The following ZNF493 variants were observed in gnomAD, a reference collection of about 807,000 sequenced individuals.
ZNF493 encodes zinc finger protein 493.
In ZNF493, 11 loss-of-function variants were observed where a neutral mutation model predicts 12.2. That is an observed-to-expected ratio of 0.90 (90% CI 0.57 to 1.50). ZNF493 has a LOEUF of 1.50. Among genes scored for constraint, ZNF493 ranks in the 40% most tolerant of loss-of-function variants. The pLI is 0.00. For synonymous variants in ZNF493, 286 were observed against 302.6 expected (o/e 0.95, Z 0.57); for missense variants, 950 against 906.6 (o/e 1.05, Z -0.61).
In ZNF493 at chr19:21,425,610, T is replaced by C. The variant is rs1385780515; in HGVS notation, c.*626T>C. The C allele has an allele frequency of 5.3e-6, 4 of 747,730 alleles. 1 individual carries two copies. In the Admixed American group the frequency reaches 7.9e-5, roughly 15 times the overall value. The allele number at this position is 747,730 out of a possible 1,614,324, so 46.3% of individuals were successfully genotyped here. On this transcript the variant is annotated 3_prime_UTR_variant, in exon 4 of 4. Transcript: ENST00000392288. The stretch of plus-strand genomic sequence containing the variant: ...TTATACTGGAGAGAAGCCCTACAAA[T>C]GTGAAAAATGTGGCAAACCTTTTAA...
chr19:21,412,932 A>C, intron 3 of ZNF493: 1 of 436,334 alleles, frequency 2.3e-6, no homozygotes, highest in Non-Finnish European at 4.5e-6. Context: ...TTTGAGGTCG[A>C]GGTGCCACTA....
Position 21,397,248 on chromosome 19 carries a change from C to G in ZNF493, c.11C>G (p.Pro4Arg). 1 of 1,614,200 alleles carries G rather than the reference C, an allele frequency of 6.2e-7. No individual in the cohort carries two copies. Among genetic ancestry groups the G allele is most frequent in the South Asian group, 1.1e-5 (1 of 91,090 alleles). Residue 4 changes from proline to arginine, a missense_variant, in exon 1 of 4, where the codon CCC (proline) becomes CGC (arginine). By Grantham distance (103) the Pro-to-Arg change is moderately radical. Transcript: ENST00000392288. ...AAATCCATAGCTAAGATGCCAGGAC[C>G]CCCTGAAAGCCTAGACATGGTGAGA... MPG[P>R]PESLDMGPLT...
intron 1 of ZNF493, among the ~76,000 whole-genome samples, chr19:21,401,878 C>T (rs1263293127): frequency 1.3e-5 from 2 of 152,134 alleles, no homozygotes; most frequent in African/African-American, 2.4e-5. Context: ...GATCCACTCG[C>T]CTCGGCCTCC....
intron 3 of ZNF493, among the ~76,000 whole-genome samples, chr19:21,416,215 C>CG (rs1402384212): frequency 2.6e-5 from 4 of 152,096 alleles, no homozygotes; most frequent in African/African-American, 9.7e-5. Flanking sequence ...TCTGTTTTTC[C>CG]GCTGGAAGTG....
rs936515174 is a variant in ZNF493, at chr19:21,424,576, G to A, written c.1917G>A (p.Lys639=). Residue 639 remains lysine, a synonymous_variant, in exon 4 of 4, where the codon AAG becomes AAA. Coordinates refer to ENST00000392288, the MANE Select transcript of ZNF493 (RefSeq NM_001076678.3). Reference sequence around the variant, plus strand: ...GTGAAGAATGTGGCAAAGCTTTTAAGCGGTCCTCACACCTCGCTGGGCACA... The same window carrying A: ...GTGAAGAATGTGGCAAAGCTTTTAAACGGTCCTCACACCTCGCTGGGCACA... ...YKCEECGKAF[K]RSSHLAGHKQ... 1 of 1,602,148 alleles carries A rather than the reference G, an allele frequency of 6.2e-7. No individual in the cohort carries two copies. Among genetic ancestry groups the A allele is most frequent in the Non-Finnish European group, 8.5e-7 (1 of 1,175,806 alleles).
intron 3 of ZNF493, among the ~76,000 whole-genome samples, chr19:21,421,850 T>G (rs1202733817): frequency 1.3e-5 from 2 of 152,154 alleles, no homozygotes; most frequent in Non-Finnish European, 2.9e-5. Flanking sequence ...AGGAAATTAT[T>G]CATCTTTTTT....
At chr19:21,414,703 A>G (rs1176659098) in intron 3 of ZNF493, 2 of 152,214 alleles carry the variant, frequency 1.3e-5, no homozygotes, top group Non-Finnish European at 2.9e-5. Flanking sequence ...CAATACCTCA[A>G]TTGCAGCTAC....
intron 3 of ZNF493, among the ~76,000 whole-genome samples, chr19:21,414,861 C>T (rs752867837): frequency 3.9e-5 from 6 of 152,104 alleles, no homozygotes; most frequent in Non-Finnish European, 4.4e-5. Context: ...TAGGGAGAAT[C>T]CAATTAGTTA....
intron 3 of ZNF493, among the ~76,000 whole-genome samples, chr19:21,409,953 G>C (rs990951857): frequency 1.3e-5 from 2 of 151,578 alleles, no homozygotes; most frequent in African/African-American, 4.9e-5. Context: ...GAATCATACA[G>C]TATTCATCAT....
chr19:21,399,440 G>C (rs915537753), intron 1 of ZNF493, among the ~76,000 whole-genome samples: 1 of 152,098 alleles, frequency 6.6e-6, no homozygotes, highest in Admixed American at 6.5e-5. Context: ...GATTACAGGT[G>C]TGAGCCACCA....
intron 1 of ZNF493, among the ~76,000 whole-genome samples, chr19:21,400,339 G>A (rs1345404126): frequency 6.6e-6 from 1 of 152,076 alleles, no homozygotes; most frequent in Non-Finnish European, 1.5e-5. Context: ...AAACCTAAGA[G>A]GTTGAGGTTG....
At chr19:21,415,791 G>A (rs1240462159) in intron 3 of ZNF493, among the ~76,000 whole-genome samples, 1 of 152,106 alleles carries the variant, frequency 6.6e-6, no homozygotes, top group African/African-American at 2.4e-5. Flanking sequence ...AATTGTAAAT[G>A]CAAACCATTC....
intron 1 of ZNF493, 62 bp from the exon 2 acceptor site, chr19:21,405,067 A>G: frequency 6.5e-7 from 1 of 1,540,790 alleles, no homozygotes; most frequent in East Asian, 2.3e-5. Flanking sequence ...AATTCAAATG[A>G]TAAATTTTGC....
At chr19:21,413,559 C>G in intron 3 of ZNF493, 2 of 404,386 alleles carry the variant, frequency 4.9e-6, no homozygotes, top group Non-Finnish European at 8.7e-6. Context: ...GGGTTGTCCT[C>G]AGCATCAATC....
chr19:21,425,638 A>T lies in ZNF493; in HGVS notation c.*654A>T. ...GAAAAATGTGGCAAACCTTTTAACC[A>T]ATCCTCAACCCTTACTACACATTAG... is the stretch of plus-strand genomic sequence containing the variant. On this transcript the variant is annotated 3_prime_UTR_variant, in exon 4 of 4. Coordinates refer to ENST00000392288, the MANE Select transcript of ZNF493 (RefSeq NM_001076678.3). The T allele has an allele frequency of 1.2e-6, 1 of 808,756 alleles. No individual in the cohort carries two copies. 50.1% of individuals were successfully genotyped at this position (808,756 alleles called of 1,614,324 possible).
intron 3 of ZNF493, among the ~76,000 whole-genome samples, chr19:21,418,802 AGCAGGAGCAT>A (rs994428883): frequency 6.6e-6 from 1 of 152,236 alleles, no homozygotes; most frequent in African/African-American, 2.4e-5. Flanking sequence ...AGTTATCTGC[AGCAGGAGCAT>A]GCTTTTTTTT....
intron 3 of ZNF493, chr19:21,407,878 A>G: frequency 1.0e-6 from 1 of 985,284 alleles, no homozygotes; most frequent in Non-Finnish European, 1.2e-6. Context: ...GACAAAGGGC[A>G]CAATAGAGTT....
chr19:21,418,082 G>A (rs992928297), intron 3 of ZNF493, among the ~76,000 whole-genome samples: 1 of 152,168 alleles, frequency 6.6e-6, no homozygotes, highest in African/African-American at 2.4e-5. Flanking sequence ...CTGCCTGAAT[G>A]GAACTAAGAG....
intron 1 of ZNF493, among the ~76,000 whole-genome samples, chr19:21,403,901 A>G (rs1226209868): frequency 6.6e-6 from 1 of 152,206 alleles, no homozygotes; most frequent in Non-Finnish European, 1.5e-5. Flanking sequence ...GCCATGCAGA[A>G]TTCTTAAAAT....
Sources: gnomAD v4.1 joint callset for allele counts (sites outside exome capture counted in the v4.1 genomes callset) on GRCh38, gnomAD v4.1.1 for gene constraint, MANE v1.5 for transcripts, NCBI Gene and HGNC (gene_info 2026-07-23, HGNC 2026-07-21) for gene names.